Variants in MACROD2 observed in about 807,000 individuals in gnomAD.
The protein encoded by MACROD2 is mono-ADP ribosylhydrolase 2.
In MACROD2, 36 loss-of-function variants were observed where a neutral mutation model predicts 70.4. The observed-to-expected ratio is 0.51, with a 90% CI of 0.39 to 0.68. The LOEUF is 0.68. MACROD2 is among the 30% of genes least tolerant of loss of function. MACROD2 has a pLI of 0.00. For synonymous variants in MACROD2, 172 were observed against 178.8 expected, an observed-to-expected ratio of 0.96 and a Z score of 0.30; for missense variants, 496 against 538.4, an observed-to-expected ratio of 0.92 and a Z score of 0.78.
chr20:14,601,740 T>C (rs1052558983), intron 4 of MACROD2, among the ~76,000 whole-genome samples: 1 of 152,270 alleles, frequency 6.6e-6, no homozygotes, highest in Non-Finnish European at 1.5e-5. Flanking sequence ...CACTCCTTAC[T>C]TAGGTTCTTT....
chr20:15,570,873 T>G (rs1473727470), intron 8 of MACROD2, among the ~76,000 whole-genome samples: 1 of 151,214 alleles, frequency 6.6e-6, no homozygotes, highest in African/African-American at 2.4e-5. Flanking sequence ...TGTTGCCAGA[T>G]CCACAGACAA....
At chr20:14,375,897 A>G (rs890505133) in intron 3 of MACROD2, among the ~76,000 whole-genome samples, 1 of 152,230 alleles carries the variant, frequency 6.6e-6, no homozygotes, top group South Asian at 2.1e-4. Context: ...ATATTTAACT[A>G]CCTTTTGAAG....
intron 4 of MACROD2, among the ~76,000 whole-genome samples, chr20:14,561,729 G>C (rs893242853): frequency 6.6e-6 from 1 of 151,828 alleles, no homozygotes; most frequent in Non-Finnish European, 1.5e-5. Context: ...CTTCATGTGA[G>C]TTACTTGAAA....
chr20:14,553,933 A>T (rs1403544706), intron 4 of MACROD2, among the ~76,000 whole-genome samples: 1 of 152,164 alleles, frequency 6.6e-6, no homozygotes, highest in Non-Finnish European at 1.5e-5. Flanking sequence ...TTAAGTTACT[A>T]TTCAGTGTTG....
At chr20:14,452,116 G>A (rs1271027258) in intron 3 of MACROD2, among the ~76,000 whole-genome samples, 1 of 151,992 alleles carries the variant, frequency 6.6e-6, no homozygotes, top group Admixed American at 6.5e-5. Flanking sequence ...CTGATGGAAT[G>A]GAGAAACTAG....
At chr20:15,985,849 A>G (rs1255765688) in intron 13 of MACROD2, 2 of 152,240 alleles carry the variant, frequency 1.3e-5, no homozygotes, top group African/African-American at 2.4e-5. Flanking sequence ...AGCATCGGCA[A>G]GCTACTGCCT....
chr20:15,323,467 T>TA (rs1600241576), intron 6 of MACROD2, among the ~76,000 whole-genome samples: 1 of 152,160 alleles, frequency 6.6e-6, no homozygotes, highest in East Asian at 1.9e-4. Context: ...TTTTAAAAAT[T>TA]AATAGAGAAA....
intron 6 of MACROD2, among the ~76,000 whole-genome samples, chr20:15,325,475 A>G (rs1054069228): frequency 2.0e-5 from 3 of 152,006 alleles, no homozygotes; most frequent in Non-Finnish European, 4.4e-5. Flanking sequence ...TCTCCTTTAT[A>G]TTTGAGATGA....
intron 5 of MACROD2, among the ~76,000 whole-genome samples, chr20:15,138,887 A>T (rs2076170832): frequency 6.6e-6 from 1 of 152,190 alleles, no homozygotes; most frequent in Non-Finnish European, 1.5e-5. Context: ...TTGTTTGTTT[A>T]TTCGCATTTA....
intron 8 of MACROD2, among the ~76,000 whole-genome samples, chr20:15,546,190 A>G (rs999813349): frequency 3.3e-5 from 5 of 152,212 alleles, no homozygotes; most frequent in Admixed American, 1.3e-4. Context: ...GGTTGCAGTG[A>G]ACCGAGATTG....
intron 4 of MACROD2, among the ~76,000 whole-genome samples, chr20:14,549,093 G>C (rs1304488742): frequency 6.6e-6 from 1 of 152,152 alleles, no homozygotes; most frequent in East Asian, 1.9e-4. Flanking sequence ...GCACTGAATG[G>C]TCCAAGTCAT....
intron 12 of MACROD2, among the ~76,000 whole-genome samples, chr20:15,944,129 G>A (rs745731621): frequency 6.6e-6 from 1 of 152,066 alleles, no homozygotes; most frequent in Non-Finnish European, 1.5e-5. Context: ...ATAGAAAAAT[G>A]CAGTGCCTAC....
At chr20:15,863,905 G>A (rs2147166639) in intron 9 of MACROD2, among the ~76,000 whole-genome samples, 1 of 152,268 alleles carries the variant, frequency 6.6e-6, no homozygotes, top group South Asian at 2.1e-4. Context: ...GTAATTTCAA[G>A]TTCTTCTCCC....
At chr20:14,372,168 G>A (rs1184506948) in intron 3 of MACROD2, among the ~76,000 whole-genome samples, 2 of 152,058 alleles carry the variant, frequency 1.3e-5, no homozygotes, top group Non-Finnish European at 2.9e-5. Flanking sequence ...TATGAACGCT[G>A]TACTCGGAAG....
intron 8 of MACROD2, among the ~76,000 whole-genome samples, chr20:15,756,701 AG>A (rs973670568): frequency 2.0e-5 from 3 of 152,182 alleles, no homozygotes; most frequent in African/African-American, 7.2e-5. Flanking sequence ...TATCATCTGA[AG>A]GGGGAAGGAA....
intron 3 of MACROD2, among the ~76,000 whole-genome samples, chr20:14,194,442 C>T (rs117169208): frequency 6.6e-6 from 1 of 152,214 alleles, no homozygotes; most frequent in Non-Finnish European, 1.5e-5. Context: ...CATCTAGAAG[C>T]CATGCTATAG....
chr20:14,682,056 C>A (rs1342656776), intron 4 of MACROD2, among the ~76,000 whole-genome samples: 1 of 152,114 alleles, frequency 6.6e-6, no homozygotes, highest in African/African-American at 2.4e-5. Context: ...AGCTCTTCAG[C>A]TAGACTTTCA....
chr20:15,383,046 C>T (rs532785735), intron 6 of MACROD2, among the ~76,000 whole-genome samples: 4 of 152,286 alleles, frequency 2.6e-5, no homozygotes, highest in African/African-American at 9.6e-5. Context: ...TATATGAAAT[C>T]CTTCGTCTAA....
chr20:14,529,171 G>GA (rs1458301105), intron 4 of MACROD2, among the ~76,000 whole-genome samples: 1 of 152,118 alleles, frequency 6.6e-6, no homozygotes, highest in East Asian at 1.9e-4. Context: ...TTTGCACACT[G>GA]AAAAAGCCAT....
Sources: gnomAD v4.1 joint callset for allele counts (sites outside exome capture counted in the v4.1 genomes callset) on GRCh38, gnomAD v4.1.1 for gene constraint, MANE v1.5 for transcripts, NCBI Gene and HGNC (gene_info 2026-07-23, HGNC 2026-07-21) for gene names.